Variants in PAM observed in about 807,000 individuals in gnomAD.
PAM encodes the protein peptidylglycine alpha-amidating monooxygenase, also known as peptidyl-glycine alpha-amidating monooxygenase.
PAM carries 72 observed loss-of-function variants against 122.1 expected under a neutral mutation model. The ratio of observed to expected loss-of-function variants is 0.59; its 90% CI spans 0.49 to 0.72. The LOEUF (loss-of-function observed/expected upper bound fraction) is 0.72. Among genes scored for constraint, PAM ranks in the 30% least tolerant of loss-of-function variants. The probability of loss-of-function intolerance (pLI) is 0.00; values close to 1 mark genes in which losing one functional copy is unlikely to be tolerated. For synonymous variants in PAM, 389 were observed against 404.4 expected (o/e 0.96, Z 0.46); for missense variants, 1,106 against 1,183.7 (o/e 0.93, Z 0.96).
intron 12 of PAM, among the ~76,000 whole-genome samples, chr5:102,957,078 T>C (rs1760988625): frequency 6.6e-6 from 1 of 152,128 alleles, no homozygotes; most frequent in Admixed American, 6.6e-5. Flanking sequence ...GATAGAAGGA[T>C]ATAGATAGAA....
At chr5:102,759,373 A>G (rs1308300450) in intron 1 of PAM, among the ~76,000 whole-genome samples, 2 of 152,146 alleles carry the variant, frequency 1.3e-5, no homozygotes, top group Admixed American at 6.6e-5. Flanking sequence ...ATGCCTTAGA[A>G]TGGAAGTCAG....
intron 1 of PAM, among the ~76,000 whole-genome samples, chr5:102,774,212 C>T (rs1580887823): frequency 1.3e-5 from 2 of 152,174 alleles, no homozygotes; most frequent in African/African-American, 4.8e-5. Flanking sequence ...GATTTATATT[C>T]GTCTGAGTAT....
chr5:102,997,468 G>A (rs768828564), intron 16 of PAM, among the ~76,000 whole-genome samples: 14 of 151,934 alleles, frequency 9.2e-5, no homozygotes, highest in Non-Finnish European at 1.8e-4. Context: ...CCCATGAGCC[G>A]TGATCATGCC....
chr5:102,781,210 AT>A (rs999238630), intron 1 of PAM, among the ~76,000 whole-genome samples: 7 of 152,026 alleles, frequency 4.6e-5, no homozygotes, highest in Non-Finnish European at 2.9e-5. Flanking sequence ...ATAATTACTC[AT>A]TTTTTTGGGT....
chr5:102,837,561 A>C (rs911189312), intron 1 of PAM: 4 of 152,234 alleles, frequency 2.6e-5, no homozygotes, highest in Non-Finnish European at 5.9e-5. Context: ...TGAAATGGAA[A>C]AATAAAATCT....
rs557525090 is a variant in PAM at position 102,799,787 on chromosome 5, G to A, written c.-374+44439G>A. The stretch of plus-strand genomic sequence containing the variant: ...TATTTCACAGGTTGGCATTGAACAT[G>A]AAATATATTTGCACTCCCTGAGCTA... On this transcript the variant is annotated intron_variant, in intron 1 of 25. Transcript: ENST00000438793. Among the ~76,000 whole-genome samples the A allele has an allele frequency of 1.4e-4, 21 of 152,298 alleles. No individual in the cohort carries two copies. The South Asian group carries it at 3.7e-3, about 27-fold the overall frequency.
intron 1 of PAM, among the ~76,000 whole-genome samples, chr5:102,811,253 A>C (rs1488334699): frequency 6.6e-6 from 1 of 152,246 alleles, no homozygotes; most frequent in Non-Finnish European, 1.5e-5. Context: ...CAAGTCTGAC[A>C]CAAGTCTCAC....
Position 102,922,456 on chromosome 5 carries a change from A to G in PAM, c.357-2501A>G, listed in dbSNP as rs527342034. 1.3e-3 allele frequency among the ~76,000 whole-genome samples: 201 copies of G among 152,232 alleles called. 2 individuals are homozygous for G. The highest frequency in any genetic ancestry group is 2.4e-3 in the Non-Finnish European group (162 of 67,994). ...AACTGGAAGCAACTTGGCAGGATTAAAAAAGGGGGTGTTGTCTGGAGACAA... is the reference window on the plus strand; with the variant it reads ...AACTGGAAGCAACTTGGCAGGATTAGAAAAGGGGGTGTTGTCTGGAGACAA... On this transcript the variant is annotated intron_variant, in intron 5 of 25. Transcript: ENST00000438793.
chr5:103,029,197 T>A lies in PAM; in HGVS notation c.*132T>A. 1 of 624,204 alleles carries A rather than the reference T, an allele frequency of 1.6e-6. No homozygotes were observed. Among genetic ancestry groups the A allele is most frequent in the Non-Finnish European group, 2.4e-6 (1 of 409,100 alleles). The allele number at this position is 624,204 out of a possible 1,614,324, so 38.7% of individuals were successfully genotyped here. On this transcript the variant is annotated 3_prime_UTR_variant, in exon 26 of 26. Transcript: ENST00000438793. ...TGTGTGGGACTGTACACACTTTATT[T>A]ACTTCGTTTTGGTTAAGTTGGCTTC...
intron 15 of PAM, among the ~76,000 whole-genome samples, chr5:102,986,488 T>C (rs531867476): frequency 5.9e-5 from 9 of 152,124 alleles, no homozygotes; most frequent in African/African-American, 2.2e-4. Flanking sequence ...CTATTTACAA[T>C]AGCTTAAAAA....
At chr5:102,920,907 C>T (rs1238528341) in intron 5 of PAM, among the ~76,000 whole-genome samples, 1 of 151,760 alleles carries the variant, frequency 6.6e-6, no homozygotes, top group Non-Finnish European at 1.5e-5. Flanking sequence ...AGTACTTTAA[C>T]AGTCAGTCAT....
At chr5:102,897,858 G>A (rs1352153203) in intron 3 of PAM, among the ~76,000 whole-genome samples, 1 of 151,640 alleles carries the variant, frequency 6.6e-6, no homozygotes, top group African/African-American at 2.4e-5. Context: ...CTGGTTTTAT[G>A]TGAACAGTTT....
At chr5:102,858,204 TTTAAG>T (rs1783143411) in intron 1 of PAM, among the ~76,000 whole-genome samples, 1 of 152,224 alleles carries the variant, frequency 6.6e-6, no homozygotes, top group Admixed American at 6.5e-5. Flanking sequence ...CAAACACTTT[TTTAAG>T]TTATTTATTT....
intron 12 of PAM, among the ~76,000 whole-genome samples, chr5:102,954,395 T>C (rs1760028517): frequency 6.6e-6 from 1 of 151,992 alleles, no homozygotes; most frequent in African/African-American, 2.4e-5. Context: ...AATGAGAACA[T>C]ATGATTAAGT....
chr5:102,924,532 G>C (rs2151712630), intron 5 of PAM, among the ~76,000 whole-genome samples: 1 of 151,952 alleles, frequency 6.6e-6, no homozygotes, highest in East Asian at 1.9e-4. Context: ...TGTTGCTTTG[G>C]CCAGATTTGT....
chr5:103,007,188 T>TACACACAC (rs1247892849), intron 19 of PAM, among the ~76,000 whole-genome samples, 177 bp downstream of exon 19: 117 of 106,484 alleles, frequency 1.1e-3, no homozygotes, highest in African/African-American at 5.4e-3. Flanking sequence ...CACACACATA[T>TACACACAC]ACATACACAC....
chr5:102,782,638 TC>T (rs1759298518), intron 1 of PAM, among the ~76,000 whole-genome samples: 1 of 152,056 alleles, frequency 6.6e-6, no homozygotes, highest in African/African-American at 2.4e-5. Flanking sequence ...GTTCTTAAGT[TC>T]CAGGTAGTGG....
At chr5:102,869,105 C>G (rs1300549674) in intron 3 of PAM, among the ~76,000 whole-genome samples, 8 of 152,286 alleles carry the variant, frequency 5.3e-5, no homozygotes, top group Admixed American at 6.5e-5. Context: ...CTTGCTCCTT[C>G]TCTGAGACTA....
At chr5:102,868,718 C>T in intron 3 of PAM, among the ~76,000 whole-genome samples, 1 of 152,266 alleles carries the variant, frequency 6.6e-6, no homozygotes, top group East Asian at 1.9e-4. Flanking sequence ...TTTTCAAGCA[C>T]TCTTTCCCCA....
Sources: gnomAD v4.1 joint callset for allele counts (sites outside exome capture counted in the v4.1 genomes callset) on GRCh38, gnomAD v4.1.1 for gene constraint, MANE v1.5 for transcripts, NCBI Gene and HGNC (gene_info 2026-07-23, HGNC 2026-07-21) for gene names.